The following DGKH variants were observed in gnomAD, a reference collection of about 807,000 sequenced individuals.
DGKH encodes the protein diacylglycerol kinase eta.
DGKH carries 90 observed loss-of-function variants against 159.3 expected under a neutral mutation model. That is an observed-to-expected ratio of 0.57 (90% CI 0.48 to 0.67). DGKH has a LOEUF of 0.67. Among genes scored for constraint, DGKH ranks in the 30% least tolerant of loss-of-function variants. DGKH has a pLI of 0.00. For synonymous variants in DGKH, 536 were observed against 553.8 expected (o/e 0.97, Z 0.45); for missense variants, 1,181 against 1,506.1 (o/e 0.78, Z 3.57).
chr13:42,248,411 G>A (rs1186274388), intron 29 of DGKH, among the ~76,000 whole-genome samples: 1 of 149,036 alleles, frequency 6.7e-6, no homozygotes, highest in Non-Finnish European at 1.5e-5. Context: ...GGGTAACAGA[G>A]CGAGACACCG....
intron 30 of DGKH, among the ~76,000 whole-genome samples, chr13:42,254,875 T>A (rs1264437810): frequency 6.6e-6 from 1 of 152,170 alleles, no homozygotes; most frequent in Non-Finnish European, 1.5e-5. Flanking sequence ...GATTTTGCCA[T>A]CTTTATGCAT....
rs1425978014 is a variant in DGKH, at chr13:42,238,752, A to G, written c.*9564A>G. On this transcript the variant is annotated 3_prime_UTR_variant, in exon 30 of 30. Coordinates refer to ENST00000337343, the MANE Select transcript of DGKH (RefSeq NM_178009.5). Reference sequence around the variant, plus strand: ...ATTAATGGAACTCTGGGTATGATTAAGGGAATTAAATTAGAAAGTAGAATA... The same window carrying G: ...ATTAATGGAACTCTGGGTATGATTAGGGGAATTAAATTAGAAAGTAGAATA... 1 of 152,182 alleles carries G rather than the reference A, an allele frequency of 6.6e-6. No individual in the cohort carries two copies. The highest frequency in any genetic ancestry group is 1.5e-5 in the Non-Finnish European group (1 of 68,008). The allele number at this position is 152,182 out of a possible 1,614,324, so 9.4% of individuals were successfully genotyped here. A position where few individuals can be genotyped will look rare whatever the true frequency, so the allele number is the denominator to read the frequency against.
chr13:42,246,296 C>G (rs1231552730), downstream of DGKH, among the ~76,000 whole-genome samples: 1 of 152,112 alleles, frequency 6.6e-6, no homozygotes, highest in Admixed American at 6.5e-5. Flanking sequence ...GAATGAGAGA[C>G]TACAAGGCTG....
intron 17 of DGKH, among the ~76,000 whole-genome samples, chr13:42,196,582 A>G (rs868374526): frequency 1.6e-4 from 25 of 152,364 alleles, no homozygotes; most frequent in Middle Eastern, 3.4e-3. Context: ...TAACGCATAG[A>G]GACAGAAAGT....
At chr13:42,191,772 G>T (rs189389415) in intron 16 of DGKH, among the ~76,000 whole-genome samples, 30 of 152,228 alleles carry the variant, frequency 2.0e-4, no homozygotes, top group Admixed American at 1.9e-3. Flanking sequence ...GCTTTCATAT[G>T]AAGCTAAATA....
chr13:42,142,581 G>C (rs974589225), intron 3 of DGKH, among the ~76,000 whole-genome samples: 1 of 151,818 alleles, frequency 6.6e-6, no homozygotes, highest in African/African-American at 2.4e-5. Flanking sequence ...TTGAGCAGTG[G>C]TTTGTAGTTC....
intron 1 of DGKH, among the ~76,000 whole-genome samples, chr13:42,079,622 A>T (rs1593996155): frequency 6.6e-6 from 1 of 152,084 alleles, no homozygotes; most frequent in South Asian, 2.1e-4. Context: ...TGCTCCCTTG[A>T]CCTACTAGGA....
chr13:42,062,980 G>T (rs942987062), intron 1 of DGKH, among the ~76,000 whole-genome samples: 16 of 152,052 alleles, frequency 1.1e-4, no homozygotes, highest in African/African-American at 3.9e-4. Flanking sequence ...GTATTTCTTG[G>T]TGGCTCTCAT....
At chr13:42,219,380 A>C in intron 27 of DGKH, 31 bp downstream of exon 27, 1 of 1,610,448 alleles carries the variant, frequency 6.2e-7, no homozygotes, top group Non-Finnish European at 8.5e-7. Flanking sequence ...TTCTCTAGAA[A>C]TGTAGACCAT....
intron 1 of DGKH, among the ~76,000 whole-genome samples, chr13:42,077,516 T>C (rs1360128237): frequency 6.6e-6 from 1 of 152,200 alleles, no homozygotes; most frequent in East Asian, 1.9e-4. Flanking sequence ...AAAGGATCAA[T>C]AGTATGGTCA....
chr13:42,092,837 T>C (rs1225988675), intron 1 of DGKH, among the ~76,000 whole-genome samples: 1 of 152,150 alleles, frequency 6.6e-6, no homozygotes, highest in African/African-American at 2.4e-5. Context: ...TGTATACAAG[T>C]ATCAAAAACA....
In DGKH at chr13:42,238,141, T is replaced by C. The variant is rs982600699; in HGVS notation, c.*8953T>C. The C allele has an allele frequency of 2.0e-5, 3 of 152,192 alleles. No homozygotes were observed. The highest frequency in any genetic ancestry group is 4.8e-5 in the African/African-American group (2 of 41,444). The allele number at this position is 152,192 out of a possible 1,614,324, so 9.4% of individuals were successfully genotyped here. ...TATCAGTTGTTAGTACTTGGTAACG[T>C]TTCTTTTACTAAAGGAATTATATAA... On this transcript the variant is annotated 3_prime_UTR_variant, in exon 30 of 30. Transcript: ENST00000337343.
exon 1 of DGKH, chr13:42,040,103 T>G (rs1566069287): frequency 6.6e-6 from 1 of 152,262 alleles, no homozygotes; most frequent in Non-Finnish European, 1.5e-5. Context: ...GGAGTGCGGC[T>G]GAGTTTTCGC....
chr13:42,108,283 T>G (rs144851350), intron 1 of DGKH, among the ~76,000 whole-genome samples: 1 of 152,284 alleles, frequency 6.6e-6, no homozygotes, highest in East Asian at 1.9e-4. Context: ...AGAAACCTTT[T>G]GATTGGCAGA....
At chr13:42,106,000 T>G (rs1262313639) in intron 1 of DGKH, among the ~76,000 whole-genome samples, 1 of 151,810 alleles carries the variant, frequency 6.6e-6, no homozygotes, top group African/African-American at 2.4e-5. Flanking sequence ...GAATGTGGTT[T>G]TTTTTTTTTT....
chr13:42,216,180 C>G (rs1427338116), intron 26 of DGKH, among the ~76,000 whole-genome samples: 1 of 152,166 alleles, frequency 6.6e-6, no homozygotes, highest in Non-Finnish European at 1.5e-5. Context: ...TGAATCAGAC[C>G]ACAGTCCATG....
intron 1 of DGKH, among the ~76,000 whole-genome samples, chr13:42,124,812 T>C (rs1044601198): frequency 1.3e-5 from 2 of 152,218 alleles, no homozygotes; most frequent in African/African-American, 4.8e-5. Flanking sequence ...CTTATTTTTC[T>C]TAAGAGTCTG....
intron 1 of DGKH, among the ~76,000 whole-genome samples, chr13:42,062,559 T>C (rs1202331110): frequency 6.6e-6 from 1 of 152,172 alleles, no homozygotes; most frequent in African/African-American, 2.4e-5. Context: ...TTTCTAGCTT[T>C]CCTTGGGGGA....
chr13:42,077,020 T>G (rs1170440931), intron 1 of DGKH, among the ~76,000 whole-genome samples: 1 of 152,178 alleles, frequency 6.6e-6, no homozygotes, highest in Non-Finnish European at 1.5e-5. Flanking sequence ...CTTCATCACC[T>G]TTTATAGAAT....
Sources: allele counts gnomAD v4.1 joint callset (sites outside exome capture counted in the v4.1 genomes callset), GRCh38; gene constraint gnomAD v4.1.1; transcripts MANE v1.5; gene names NCBI Gene and HGNC (gene_info 2026-07-23, HGNC 2026-07-21).